The following ATOSA variants were observed in gnomAD, a reference collection of about 807,000 sequenced individuals.
The protein encoded by ATOSA is atos homolog A, also known as atos homolog protein A.
the ATOSA span, among the ~76,000 whole-genome samples, chr15:52,655,160 TC>T: frequency 4.6e-5 from 7 of 152,158 alleles, no homozygotes; most frequent in African/African-American, 1.4e-4. Flanking sequence ...ACCACTAGTA[TC>T]CTTTCCCTAA....
At chr15:52,696,512 T>C in the ATOSA span, among the ~76,000 whole-genome samples, 1 of 152,184 alleles carries the variant, frequency 6.6e-6, no homozygotes. Context: ...TAGAATTCAC[T>C]GGGTCTGTGA....
the ATOSA span, among the ~76,000 whole-genome samples, chr15:52,641,770 AT>A: frequency 6.6e-6 from 1 of 152,162 alleles, no homozygotes; most frequent in Non-Finnish European, 1.5e-5. Context: ...GAAACAACAC[AT>A]TTTCTGATTT....
At chr15:52,609,647 C>G in the ATOSA span, 1 of 1,613,366 alleles carries the variant, frequency 6.2e-7, no homozygotes, top group East Asian at 2.2e-5. Context: ...GAGAAAGCTT[C>G]TTTACCTTTT....
At chr15:52,600,642 A>G in the ATOSA span, among the ~76,000 whole-genome samples, 1 of 152,176 alleles carries the variant, frequency 6.6e-6, no homozygotes, top group Non-Finnish European at 1.5e-5. Context: ...AGAACATATC[A>G]CATAGTGGCA....
chr15:52,608,987 T>G, the ATOSA span: 1 of 1,612,772 alleles, frequency 6.2e-7, no homozygotes, highest in South Asian at 1.1e-5. Flanking sequence ...GTGGTGCAAT[T>G]TGAATACTGT....
the ATOSA span, among the ~76,000 whole-genome samples, chr15:52,623,334 G>A: frequency 6.6e-6 from 1 of 152,086 alleles, no homozygotes; most frequent in East Asian, 1.9e-4. Flanking sequence ...TGGCTGCTAT[G>A]TGGATAAAAG....
the ATOSA span, among the ~76,000 whole-genome samples, chr15:52,584,058 C>T: frequency 7.0e-6 from 1 of 142,288 alleles, no homozygotes. Flanking sequence ...GTGACTCCTC[C>T]TGATGAACAG....
the ATOSA span, among the ~76,000 whole-genome samples, chr15:52,624,286 C>CCA: frequency 2.6e-5 from 4 of 152,318 alleles, no homozygotes; most frequent in East Asian, 7.7e-4. Flanking sequence ...CTCCTTTCCA[C>CCA]CAACCCAAAG....
the ATOSA span, chr15:52,613,811 G>A: frequency 6.2e-7 from 1 of 1,613,860 alleles, no homozygotes; most frequent in Non-Finnish European, 8.5e-7. Context: ...AGGCCAAAGA[G>A]ACCAAGAACT....
chr15:52,662,699 G>A, the ATOSA span, among the ~76,000 whole-genome samples: 1 of 151,122 alleles, frequency 6.6e-6, no homozygotes, highest in Non-Finnish European at 1.5e-5. Context: ...GAACCCGGGA[G>A]GCGGAGCTTG....
the ATOSA span, chr15:52,658,799 TAC>T: frequency 8.3e-6 from 1 of 119,980 alleles, no homozygotes; most frequent in Non-Finnish European, 1.2e-5. Context: ...ACCTCGTTTC[TAC>T]AAAAAAAAAA....
chr15:52,668,907 A>AT, the ATOSA span, among the ~76,000 whole-genome samples: 968 of 142,264 alleles, frequency 6.8e-3, 5 homozygotes, highest in Non-Finnish European at 9.2e-3. Context: ...TGGGTTTGAA[A>AT]TTTTTTTTTT....
the ATOSA span, among the ~76,000 whole-genome samples, chr15:52,592,817 C>T: frequency 2.0e-5 from 3 of 152,156 alleles, no homozygotes; most frequent in Non-Finnish European, 4.4e-5. Flanking sequence ...TCCATTAAGA[C>T]ATTAGCGTGA....
the ATOSA span, among the ~76,000 whole-genome samples, chr15:52,691,064 A>G: frequency 6.6e-6 from 1 of 152,124 alleles, no homozygotes; most frequent in African/African-American, 2.4e-5. Flanking sequence ...GCCCAGGGGG[A>G]GTGGAGAGTT....
the ATOSA span, among the ~76,000 whole-genome samples, chr15:52,645,209 C>T: frequency 6.6e-6 from 1 of 152,204 alleles, no homozygotes; most frequent in Non-Finnish European, 1.5e-5. Context: ...GAGGCCGAGG[C>T]AGGCACATCA....
chr15:52,634,991 T>C, the ATOSA span, among the ~76,000 whole-genome samples: 1 of 152,170 alleles, frequency 6.6e-6, no homozygotes, highest in South Asian at 2.1e-4. Flanking sequence ...AAAAGAAAGC[T>C]GGAATGGTTA....
At chr15:52,668,491 T>C in the ATOSA span, among the ~76,000 whole-genome samples, 3 of 152,340 alleles carry the variant, frequency 2.0e-5, no homozygotes, top group South Asian at 2.1e-4. Context: ...TTCTACTGCA[T>C]AGTAGGATGA....
the ATOSA span, chr15:52,608,579 T>C: frequency 2.5e-6 from 4 of 1,573,486 alleles, no homozygotes; most frequent in African/African-American, 4.1e-5. Context: ...AATACCTCTG[T>C]ATTTTTTGGT....
the ATOSA span, among the ~76,000 whole-genome samples, chr15:52,602,255 A>G: frequency 6.6e-6 from 1 of 152,232 alleles, no homozygotes; most frequent in South Asian, 2.1e-4. Flanking sequence ...TGCATTTTTC[A>G]TATCTAGAAT....
Sources: gnomAD v4.1 joint callset for allele counts (sites outside exome capture counted in the v4.1 genomes callset) on GRCh38, gnomAD v4.1.1 for gene constraint, MANE v1.5 for transcripts, NCBI Gene and HGNC (gene_info 2026-07-23, HGNC 2026-07-21) for gene names.